Variants in QNG1 observed in about 807,000 individuals in gnomAD.
QNG1 encodes the protein queuosine 5'-phosphate N-glycosylase/hydrolase.
the QNG1 span, chr9:83,956,382 G>A: frequency 6.9e-6 from 11 of 1,603,206 alleles, no homozygotes; most frequent in African/African-American, 1.3e-5. Context: ...CTCTGGCCCC[G>A]CCGCCTTGGC....
chr9:83,955,349 G>A, the QNG1 span: 1 of 1,600,534 alleles, frequency 6.2e-7, no homozygotes. Context: ...AGATGATTAA[G>A]ACTTCTAAAA....
At chr9:83,948,524 C>G in the QNG1 span, among the ~76,000 whole-genome samples, 63 of 149,742 alleles carry the variant, frequency 4.2e-4, no homozygotes, top group Non-Finnish European at 7.3e-4. Context: ...GGGGGGGGCG[C>G]CTCTGCCTGG....
At chr9:83,953,722 A>C in the QNG1 span, 2 of 1,128,962 alleles carry the variant, frequency 1.8e-6, no homozygotes, top group Non-Finnish European at 2.6e-6. Context: ...CGGTGGCGTA[A>C]TCTCGGCTCA....
the QNG1 span, chr9:83,956,110 A>G: frequency 6.4e-7 from 1 of 1,574,040 alleles, no homozygotes; most frequent in Non-Finnish European, 8.7e-7. Flanking sequence ...CACACACCCC[A>G]AGTAAATGGA....
At chr9:83,945,236 T>G in the QNG1 span, among the ~76,000 whole-genome samples, 1 of 150,362 alleles carries the variant, frequency 6.7e-6, no homozygotes, top group Non-Finnish European at 1.5e-5. Context: ...TAACTCCAAC[T>G]CTACAAAAAA....
chr9:83,943,988 T>A, the QNG1 span, among the ~76,000 whole-genome samples: 55 of 150,506 alleles, frequency 3.7e-4, no homozygotes, highest in Non-Finnish European at 7.4e-4. Context: ...ACCACTGCAC[T>A]CTAGCCTGGG....
the QNG1 span, among the ~76,000 whole-genome samples, chr9:83,942,215 A>C: frequency 9.2e-5 from 14 of 152,344 alleles, no homozygotes; most frequent in African/African-American, 3.4e-4. Context: ...TAATGCAGCA[A>C]CTTACAGTAT....
At chr9:83,952,812 A>C in the QNG1 span, among the ~76,000 whole-genome samples, 2 of 150,006 alleles carry the variant, frequency 1.3e-5, no homozygotes, top group East Asian at 2.0e-4. Context: ...AAAAAAAAAA[A>C]CAAAAATTAG....
chr9:83,954,243 C>A, the QNG1 span, among the ~76,000 whole-genome samples: 1 of 151,832 alleles, frequency 6.6e-6, no homozygotes, highest in African/African-American at 2.4e-5. Flanking sequence ...GATCTTCAAC[C>A]AATAAAGTAA....
chr9:83,942,699 T>G, the QNG1 span, among the ~76,000 whole-genome samples: 1 of 152,258 alleles, frequency 6.6e-6, no homozygotes, highest in East Asian at 1.9e-4. Flanking sequence ...AACATACCTT[T>G]TGGAAAACAA....
chr9:83,956,281 G>A, the QNG1 span: 6 of 1,614,134 alleles, frequency 3.7e-6, no homozygotes, highest in South Asian at 3.3e-5. Context: ...GAGAAGTTGA[G>A]CGTGTCTGTC....
At chr9:83,953,812 C>A in the QNG1 span, 1 of 1,549,228 alleles carries the variant, frequency 6.5e-7, no homozygotes, top group Non-Finnish European at 8.7e-7. Context: ...CTGTGAGGGT[C>A]CAACAAAATG....
the QNG1 span, among the ~76,000 whole-genome samples, chr9:83,948,879 A>G: frequency 1.3e-5 from 2 of 152,132 alleles, no homozygotes; most frequent in African/African-American, 4.8e-5. Flanking sequence ...TTTGTTAAAC[A>G]GATGCTTGAA....
At chr9:83,947,395 G>T in the QNG1 span, among the ~76,000 whole-genome samples, 2 of 152,118 alleles carry the variant, frequency 1.3e-5, no homozygotes, top group African/African-American at 4.8e-5. Flanking sequence ...GTCATAACAA[G>T]AAATAACCTA....
the QNG1 span, chr9:83,956,014 T>G: frequency 1.4e-6 from 1 of 700,994 alleles, no homozygotes; most frequent in African/African-American, 1.8e-5. Flanking sequence ...TTTTCATACT[T>G]CTATTTTAAG....
the QNG1 span, chr9:83,956,708 G>A: frequency 2.3e-6 from 1 of 437,744 alleles, no homozygotes; most frequent in Non-Finnish European, 4.0e-6. Flanking sequence ...AGAGACCCCG[G>A]GGCAGCTCGC....
the QNG1 span, among the ~76,000 whole-genome samples, chr9:83,951,485 C>T: frequency 3.3e-5 from 5 of 151,884 alleles, no homozygotes; most frequent in South Asian, 2.1e-4. Flanking sequence ...CACTAGAACC[C>T]GGGAGGCAGA....
chr9:83,947,818 A>C, the QNG1 span, among the ~76,000 whole-genome samples: 1 of 152,162 alleles, frequency 6.6e-6, no homozygotes, highest in Non-Finnish European at 1.5e-5. Context: ...CTCAGTGCTC[A>C]ATGTTGCCCA....
At chr9:83,944,385 C>T in the QNG1 span, among the ~76,000 whole-genome samples, 3 of 152,166 alleles carry the variant, frequency 2.0e-5, no homozygotes, top group Admixed American at 2.0e-4. Flanking sequence ...TGCAAGATAT[C>T]CCAGTGCAGA....
Sources: allele counts gnomAD v4.1 joint callset (sites outside exome capture counted in the v4.1 genomes callset), GRCh38; gene constraint gnomAD v4.1.1; transcripts MANE v1.5; gene names NCBI Gene and HGNC (gene_info 2026-07-23, HGNC 2026-07-21).